The following WDR19 variants were observed in gnomAD, a reference collection of about 807,000 sequenced individuals.
The protein encoded by WDR19 is WD repeat domain 19.
A neutral mutation model predicts 180.0 loss-of-function variants in WDR19; 121 were observed. The observed-to-expected ratio is 0.67, with a 90% CI of 0.58 to 0.78. The LOEUF (loss-of-function observed/expected upper bound fraction) is 0.78. Among genes scored for constraint, WDR19 ranks in the 30% least tolerant of loss-of-function variants. WDR19 has a pLI of 0.00. For missense variants in WDR19, 1,450 were observed against 1,640.7 expected (o/e 0.88, Z 2.01); for synonymous variants, 497 against 540.7 (o/e 0.92, Z 1.12).
In WDR19 at chr4:39,216,762, C is replaced by G. The variant is rs181575843; in HGVS notation, c.1250-372C>G. On this transcript the variant is annotated intron_variant, in intron 12 of 36. Coordinates refer to ENST00000399820, the MANE Select transcript of WDR19 (RefSeq NM_025132.4). ...CCCCTGCCTCCTCCCCATCACCTTT[C>G]CCCAATTCTAGGTCAGATAACCCTC... Among the ~76,000 whole-genome samples, 9 of 152,254 alleles carry G rather than the reference C, an allele frequency of 5.9e-5. No individual in the cohort carries two copies. In the East Asian group the frequency reaches 1.7e-3, roughly 29 times the overall value.
At chr4:39,265,987 AG>A in intron 28 of WDR19, 75 bp from the exon 29 acceptor site, 2 of 1,228,722 alleles carry the variant, frequency 1.6e-6, no homozygotes, top group Non-Finnish European at 2.3e-6. Context: ...CTCCCTAAGC[AG>A]AAGATTGTCT....
At chr4:39,232,811 A>G (rs539478847) in intron 19 of WDR19, among the ~76,000 whole-genome samples, 1 of 152,290 alleles carries the variant, frequency 6.6e-6, no homozygotes, top group East Asian at 1.9e-4. Context: ...CCTAAAATTC[A>G]AACATGTCAG....
chr4:39,215,741 A>G (rs1428046230), intron 10 of WDR19, 100 bp from the exon 11 acceptor site: 3 of 1,255,136 alleles, frequency 2.4e-6, no homozygotes, highest in Non-Finnish European at 3.2e-6. Flanking sequence ...AAAATATTTG[A>G]AAATTGTTAT....
intron 14 of WDR19, among the ~76,000 whole-genome samples, chr4:39,221,553 G>A (rs750934398): frequency 1.1e-4 from 17 of 152,320 alleles, no homozygotes; most frequent in Non-Finnish European, 2.1e-4. Flanking sequence ...GCACATGCCT[G>A]TAATCCCAGC....
At chr4:39,269,727 T>C (rs1735159144) in intron 30 of WDR19, among the ~76,000 whole-genome samples, 1 of 152,064 alleles carries the variant, frequency 6.6e-6, no homozygotes, top group Admixed American at 6.6e-5. Flanking sequence ...TCACTTGAGC[T>C]TGAGAGGCAG....
In WDR19 at chr4:39,205,207, A is replaced by G; in HGVS notation, c.657A>G (p.Pro219=). Residue 219 remains proline, a synonymous_variant, in exon 8 of 37, where the codon CCA becomes CCG. Coordinates refer to ENST00000399820, the MANE Select transcript of WDR19 (RefSeq NM_025132.4). The stretch of plus-strand genomic sequence containing the variant: ...TGTTTTTTTTAAATCTGAATGAACC[A>G]GATAACCCAGCTGATCTTGAATTTC... The part of the protein sequence containing the change: ...KTLFFLNLNE[P]DNPADLEFQQ... 2.5e-6 allele frequency: 4 copies of G among 1,603,150 alleles called. No homozygotes were observed. The highest frequency in any genetic ancestry group is 1.7e-5 in the Admixed American group (1 of 58,514).
chr4:39,219,961 A>G (rs1184383742), intron 14 of WDR19, among the ~76,000 whole-genome samples: 1 of 152,128 alleles, frequency 6.6e-6, no homozygotes, highest in East Asian at 1.9e-4. Flanking sequence ...GCTCCCACCT[A>G]AAATCCCAGC....
At chr4:39,198,677 G>A (rs1270309159) in intron 5 of WDR19, among the ~76,000 whole-genome samples, 2 of 151,966 alleles carry the variant, frequency 1.3e-5, no homozygotes, top group Non-Finnish European at 2.9e-5. Flanking sequence ...ACCAACTTGA[G>A]CAACAAAGTG....
intron 3 of WDR19, 142 bp downstream of exon 3, chr4:39,186,746 G>T (rs1371938109): frequency 1.2e-5 from 7 of 573,208 alleles, no homozygotes; most frequent in Non-Finnish European, 1.8e-5. Context: ...GCCATAAGTA[G>T]TTATGAAATA....
Position 39,203,028 on chromosome 4 carries a change from A to G in WDR19, c.523-614A>G, listed in dbSNP as rs113846287. Among the ~76,000 whole-genome samples the G allele has an allele frequency of 3.6e-3, 544 of 152,106 alleles. 3 individuals are homozygous for G. Among genetic ancestry groups the G allele is most frequent in the African/African-American group, 0.012 (506 of 41,512 alleles). ...CATCTTGGGAGCTACCAAATGACCT[A>G]ACATACACATTTGAACCTCAGACTA... On this transcript the variant is annotated intron_variant, in intron 6 of 36. Coordinates refer to ENST00000399820, the MANE Select transcript of WDR19 (RefSeq NM_025132.4).
intron 30 of WDR19, among the ~76,000 whole-genome samples, chr4:39,269,621 G>A (rs1348143811): frequency 1.3e-5 from 2 of 152,192 alleles, no homozygotes; most frequent in Non-Finnish European, 2.9e-5. Context: ...CGAGGAGGGT[G>A]GATTTCTTGA....
At chr4:39,247,375 C>T (rs13119252) in intron 24 of WDR19, among the ~76,000 whole-genome samples, 12,604 of 152,154 alleles carry the variant, frequency 0.083, 661 homozygotes, top group East Asian at 0.2. Flanking sequence ...CATCAAAGAC[C>T]AAAGGTGGAT....
chr4:39,257,262 C>T (rs1379716137), intron 27 of WDR19, among the ~76,000 whole-genome samples: 12 of 152,176 alleles, frequency 7.9e-5, no homozygotes, highest in Admixed American at 7.9e-4. Context: ...CTTTTCATTT[C>T]ATCAGGACTA....
At chr4:39,226,011 C>A (rs543591872) in intron 15 of WDR19, among the ~76,000 whole-genome samples, 2 of 152,290 alleles carry the variant, frequency 1.3e-5, no homozygotes, top group Admixed American at 1.3e-4. Context: ...TGAAGATAAA[C>A]CTCGAGTTTC....
chr4:39,267,158 C>T (rs1024659874), intron 29 of WDR19, among the ~76,000 whole-genome samples: 7 of 152,210 alleles, frequency 4.6e-5, no homozygotes, highest in African/African-American at 9.7e-5. Flanking sequence ...TCCTACAGAA[C>T]GTCCATCTTC....
chr4:39,223,667 A>C (rs1333152468), intron 14 of WDR19, among the ~76,000 whole-genome samples: 1 of 152,164 alleles, frequency 6.6e-6, no homozygotes, highest in East Asian at 1.9e-4. Flanking sequence ...TAAAACAGGA[A>C]AAAGAATCAG....
chr4:39,274,875 C>G lies in WDR19; in HGVS notation c.3633C>G (p.Phe1211Leu), dbSNP rs757721845. 1.1e-5 allele frequency: 17 copies of G among 1,614,046 alleles called. No individual in the cohort carries two copies. The South Asian group carries it at 1.9e-4, about 18-fold the overall frequency. Residue 1211 changes from phenylalanine to leucine, a missense_variant, in exon 33 of 37, where the codon TTC becomes TTG. Physicochemically the swap from Phe to Leu is conservative, Grantham distance 22. Coordinates refer to ENST00000399820, the MANE Select transcript of WDR19 (RefSeq NM_025132.4). ...GGGCAGGCCTGAAGAACTCTGCTTT[C>G]AGCTTCGCAGCTATGTTGATGAGGC... ...CHRAGLKNSA[F>L]SFAAMLMRPE...
chr4:39,281,890 G>T lies in WDR19; in HGVS notation c.*13+3227G>T, dbSNP rs141985801. 3.4e-3 allele frequency among the ~76,000 whole-genome samples: 516 copies of T among 152,156 alleles called. 4 individuals are homozygous for T. Among genetic ancestry groups the T allele is most frequent in the African/African-American group, 0.012 (487 of 41,490 alleles). On this transcript the variant is annotated intron_variant, in intron 36 of 36. Transcript: ENST00000399820. ...GCGGGGGGAGGATTCTGATCTTTATGGTCAGAGGACTGAAGCCCTTAGCTC... is the reference window on the plus strand; with the variant it reads ...GCGGGGGGAGGATTCTGATCTTTATTGTCAGAGGACTGAAGCCCTTAGCTC...
chr4:39,236,162 T>C (rs1405862715), intron 20 of WDR19, among the ~76,000 whole-genome samples: 2 of 152,178 alleles, frequency 1.3e-5, no homozygotes. Flanking sequence ...GAAATCATTA[T>C]ATCAAAAAGA....
Sources: gnomAD v4.1 joint callset for allele counts (sites outside exome capture counted in the v4.1 genomes callset) on GRCh38, gnomAD v4.1.1 for gene constraint, MANE v1.5 for transcripts, NCBI Gene and HGNC (gene_info 2026-07-23, HGNC 2026-07-21) for gene names.